CIITA: variants seen among roughly 807,000 people sequenced by gnomAD.
CIITA encodes the protein MHC class II transactivator.
A neutral mutation model predicts 115.1 loss-of-function variants in CIITA; 72 were observed. The observed-to-expected ratio is 0.63, with a 90% CI of 0.52 to 0.76. CIITA has a LOEUF of 0.76. Among genes scored for constraint, CIITA ranks in the 30% least tolerant of loss-of-function variants. The pLI is 0.00. For synonymous variants in CIITA, 763 were observed against 635.6 expected, an observed-to-expected ratio of 1.20 and a Z score of -3.02; for missense variants, 1,617 against 1,463.8, an observed-to-expected ratio of 1.10 and a Z score of -1.71.
intron 12 of CIITA, 150 bp from the exon 13 acceptor site, chr16:10,910,038 T>G: frequency 1.6e-6 from 1 of 609,872 alleles, no homozygotes. Flanking sequence ...CCCAGACAGA[T>G]CTTTTTTTTT....
chr16:10,892,723 AG>A (rs1235519186), intron 1 of CIITA, among the ~76,000 whole-genome samples: 1 of 152,216 alleles, frequency 6.6e-6, no homozygotes, highest in Non-Finnish European at 1.5e-5. Flanking sequence ...ACCTGAGGTC[AG>A]GAGTTCAAGA....
upstream of CIITA, chr16:10,877,147 A>C: frequency 1.5e-6 from 1 of 668,316 alleles, no homozygotes; most frequent in Non-Finnish European, 2.7e-6. Flanking sequence ...ATGATCCCTC[A>C]CTTGTTTCTT....
At chr16:10,898,240 T>C (rs1164144471) in intron 3 of CIITA, among the ~76,000 whole-genome samples, 1 of 152,176 alleles carries the variant, frequency 6.6e-6, no homozygotes, top group Non-Finnish European at 1.5e-5. Context: ...TTGGATGCTC[T>C]AGATGTAGAA....
intron 5 of CIITA, among the ~76,000 whole-genome samples, chr16:10,900,055 T>C (rs2038560052): frequency 6.6e-6 from 1 of 152,090 alleles, no homozygotes; most frequent in Non-Finnish European, 1.5e-5. Context: ...CACTCCAGCC[T>C]GGGTGGCAGA....
rs1050244796 is a variant in CIITA at position 10,930,636 on chromosome 16, A to G, written c.*6781A>G. The G allele has an allele frequency of 6.6e-6, 1 of 152,232 alleles. No individual in the cohort carries two copies. Among genetic ancestry groups the G allele is most frequent in the African/African-American group, 2.4e-5 (1 of 41,456 alleles). 9.4% of individuals were successfully genotyped at this position (152,232 alleles called of 1,614,324 possible). ...GCAAAGCTGGCACTGGCTTGGTAAT[A>G]ACGATGGAAACGGTCTGAATGAGAG... On this transcript the variant is annotated 3_prime_UTR_variant, in exon 20 of 20. Coordinates refer to ENST00000324288, the MANE Select transcript of CIITA (RefSeq NM_000246.4).
chr16:10,907,896 C>A lies in CIITA; in HGVS notation c.2404C>A (p.Arg802=), dbSNP rs1425490482. Residue 802 remains arginine (R), a synonymous_variant, in exon 11 of 20, where the codon CGG becomes AGG. Coordinates refer to ENST00000324288, the MANE Select transcript of CIITA (RefSeq NM_000246.4). The surrounding 1 kb of genome is among the most constrained non-coding windows in gnomAD (Gnocchi z 5.0). ...GAAGCGGCTGCAGCCGGGGACACTG[C>A]GGGCGCGGCAGCTGCTGGAGCTGCT... ...YLKRLQPGTL[R]ARQLLELLHC... The A allele has an allele frequency of 3.8e-6, 6 of 1,588,164 alleles. No homozygotes were observed. Among genetic ancestry groups the A allele is most frequent in the Non-Finnish European group, 5.1e-6 (6 of 1,167,340 alleles).
chr16:10,892,021 G>C (rs763163008), intron 1 of CIITA, among the ~76,000 whole-genome samples: 1 of 152,126 alleles, frequency 6.6e-6, no homozygotes, highest in East Asian at 1.9e-4. Context: ...CTGTGGATGC[G>C]TGAAAGAAAA....
In CIITA at chr16:10,902,819, C is replaced by T. The variant is rs537284369; in HGVS notation, c.772+18C>T. ...CTACCATGGTGAGTGCGGGGCCTGG[C>T]TCCCCGACCACCTCTCCCTCCTACC... On this transcript the variant is annotated intron_variant, in intron 8 of 19. Coordinates refer to ENST00000324288, the MANE Select transcript of CIITA (RefSeq NM_000246.4). The T allele has an allele frequency of 1.9e-6, 3 of 1,613,926 alleles. No homozygotes were observed. Among genetic ancestry groups the T allele is most frequent in the Non-Finnish European group, 2.5e-6 (3 of 1,179,980 alleles).
intron 11 of CIITA, 76 bp from the exon 12 acceptor site, chr16:10,908,953 G>A: frequency 1.2e-6 from 2 of 1,604,022 alleles, no homozygotes; most frequent in South Asian, 2.2e-5. Context: ...TAGGTAGGAG[G>A]ACCCTTCATG....
At position 10,908,323 on chromosome 16, in the gene CIITA, A is replaced by T. The variant is rs370528461; in HGVS notation, c.2657+174A>T. 1,125 of 796,138 alleles carry T rather than the reference A, an allele frequency of 1.4e-3. 25 individuals are homozygous for T. In the South Asian group the frequency reaches 0.016, roughly 11 times the overall value. 49.3% of individuals were successfully genotyped at this position (796,138 alleles called of 1,614,324 possible). The stretch of plus-strand genomic sequence containing the variant: ...TGTTGAGGCTCAGAGAGGGGCAGCC[A>T]CTTGCCACACAGCAAGTGAGAGGCA... On this transcript the variant is annotated intron_variant, in intron 11 of 19. Transcript: ENST00000324288.
At chr16:10,866,708 G>A (rs2035091409) in intron 1 of CIITA, 18 of 377,530 alleles carry the variant, frequency 4.8e-5, no homozygotes, top group South Asian at 3.1e-4. Flanking sequence ...GCTGGCAGGA[G>A]CAGTGAAAAC....
At position 10,930,055 on chromosome 16, in the gene CIITA, C is replaced by G. The variant is rs899238356; in HGVS notation, c.*6200C>G. On this transcript the variant is annotated 3_prime_UTR_variant, in exon 20 of 20. Transcript: ENST00000324288. ...TCAGCAGCCCCACTTGGCTCTTTCT[C>G]CCAGGATGCAGCATCATCTCCATGG... 1 of 152,330 alleles carries G rather than the reference C, an allele frequency of 6.6e-6. No homozygotes were observed. The highest frequency in any genetic ancestry group is 2.4e-5 in the African/African-American group (1 of 41,472). 9.4% of individuals were successfully genotyped at this position (152,330 alleles called of 1,614,324 possible). A position where few individuals can be genotyped will look rare whatever the true frequency, so the allele number is the denominator to read the frequency against.
upstream of CIITA, among the ~76,000 whole-genome samples, chr16:10,872,894 G>A (rs934126515): frequency 1.3e-5 from 2 of 152,230 alleles, no homozygotes; most frequent in African/African-American, 4.8e-5. Flanking sequence ...TTTGGAACTG[G>A]AGGCTGCCTT....
In CIITA at chr16:10,896,281, G is replaced by A. The variant is rs74641047; in HGVS notation, c.295+517G>A. On this transcript the variant is annotated intron_variant, in intron 3 of 19. Transcript: ENST00000324288. The stretch of plus-strand genomic sequence containing the variant: ...AAATTGAGGTTTAGAGAGGTGAAAC[G>A]ACCTACCCAAGTTTGCATTAGAGAT... 3.8e-3 allele frequency among the ~76,000 whole-genome samples: 575 copies of A among 152,278 alleles called. 7 individuals carry two copies. Among genetic ancestry groups the A allele is most frequent in the African/African-American group, 0.013 (544 of 41,550 alleles).
intron 1 of CIITA, among the ~76,000 whole-genome samples, chr16:10,890,634 T>C (rs1016493115): frequency 3.3e-5 from 5 of 152,160 alleles, no homozygotes; most frequent in Non-Finnish European, 7.4e-5. Flanking sequence ...GGTCCCCTTA[T>C]GCAAAAGAAC....
intron 1 of CIITA, among the ~76,000 whole-genome samples, chr16:10,878,060 G>A (rs1363667408): frequency 6.6e-6 from 1 of 152,188 alleles, no homozygotes; most frequent in Non-Finnish European, 1.5e-5. Flanking sequence ...GGACCTGTGG[G>A]AAAGCCTGTA....
chr16:10,919,228 C>T (rs1316463543), intron 16 of CIITA, among the ~76,000 whole-genome samples: 1 of 152,122 alleles, frequency 6.6e-6, no homozygotes, highest in Non-Finnish European at 1.5e-5. Context: ...GAGTCTCGCT[C>T]TGTCACCCAG....
chr16:10,910,110 G>A lies in CIITA; in HGVS notation c.2817-78G>A, dbSNP rs145553216. 9.1e-4 allele frequency: 1,120 copies of A among 1,231,560 alleles called. 26 individuals carry two copies. The East Asian group carries it at 0.02, about 22-fold the overall frequency. The allele number at this position is 1,231,560 out of a possible 1,614,324, so 76.3% of individuals were successfully genotyped here. On this transcript the variant is annotated intron_variant, in intron 12 of 19. Coordinates refer to ENST00000324288, the MANE Select transcript of CIITA (RefSeq NM_000246.4). Reference sequence around the variant, plus strand: ...CCCCTGGGGAATTTGGGGCACTGGGGCAGCCATCATGGGACCCATGGGTAA... The same window carrying A: ...CCCCTGGGGAATTTGGGGCACTGGGACAGCCATCATGGGACCCATGGGTAA...
intron 8 of CIITA, among the ~76,000 whole-genome samples, chr16:10,903,346 C>T (rs2038919520): frequency 6.6e-6 from 1 of 152,198 alleles, no homozygotes; most frequent in Admixed American, 6.5e-5. Flanking sequence ...GATGCTTCCA[C>T]TCAAGTCCAG....
Sources: allele counts gnomAD v4.1 joint callset (sites outside exome capture counted in the v4.1 genomes callset), GRCh38; gene constraint gnomAD v4.1.1; non-coding constraint Gnocchi (gnomAD v3.1); transcripts MANE v1.5; gene names NCBI Gene and HGNC (gene_info 2026-07-23, HGNC 2026-07-21).